KIF4A: variants seen among roughly 807,000 people sequenced by gnomAD.
The protein encoded by KIF4A is chromosome-associated kinesin KIF4A.
In KIF4A, 7 loss-of-function variants were observed where a neutral mutation model predicts 105.9. The ratio of observed to expected loss-of-function variants is 0.07; its 90% confidence interval spans 0.04 to 0.12. KIF4A has a LOEUF of 0.12. Among genes scored for constraint, KIF4A ranks in the 10% least tolerant of loss-of-function variants. KIF4A has a pLI of 1.00. For synonymous variants in KIF4A, 281 were observed against 331.3 expected (o/e 0.85, Z 1.65); for missense variants, 558 against 929.2 (o/e 0.60, Z 5.19).
chrX:70,383,102 G>A (rs184972441), intron 18 of KIF4A, among the ~76,000 whole-genome samples: 77 of 108,333 alleles, frequency 7.1e-4, no homozygotes, highest in Middle Eastern at 4.8e-3. Context: ...TAGAAGAATC[G>A]CTTGAATCCG....
At chrX:70,316,520 A>T (rs867447315) in intron 7 of KIF4A, among the ~76,000 whole-genome samples, 1 of 90,827 alleles carries the variant, frequency 1.1e-5, no homozygotes, top group Non-Finnish European at 2.0e-5. Flanking sequence ...ATTACACATA[A>T]ATATATATTA....
intron 15 of KIF4A, among the ~76,000 whole-genome samples, chrX:70,365,987 G>A (rs184965544): frequency 1.8e-3 from 201 of 110,692 alleles, no homozygotes; most frequent in Middle Eastern, 0.014. Context: ...TGTATGTGTC[G>A]AGGAGTTTAT....
At position 70,368,546 on chromosome X, in the gene KIF4A, G is replaced by A. The variant is rs192184072; in HGVS notation, c.1675-5605G>A. Among the ~76,000 whole-genome samples, 17 of 112,094 alleles carry A rather than the reference G, an allele frequency of 1.5e-4. No individual in the cohort carries two copies. The East Asian group carries it at 1.7e-3, about 11-fold the overall frequency. ...CCCTGTTTGCCTGGGTATCAGCAGC[G>A]GAGGCTGCAGATCAGGGGATATTGG... On this transcript the variant is annotated intron_variant, in intron 15 of 30. Transcript: ENST00000374403.
chrX:70,323,960 T>G (rs2085901444), intron 7 of KIF4A, among the ~76,000 whole-genome samples: 1 of 109,900 alleles, frequency 9.1e-6, no homozygotes, highest in Non-Finnish European at 1.9e-5. Flanking sequence ...CCCAAGTAGC[T>G]GGGACTTCAG....
At chrX:70,347,505 AGG>A (rs1320588974) in intron 13 of KIF4A, among the ~76,000 whole-genome samples, 1 of 111,691 alleles carries the variant, frequency 9.0e-6, no homozygotes, top group Non-Finnish European at 1.9e-5. Flanking sequence ...ATCTTCTTCA[AGG>A]ATTAACCCAT....
chrX:70,359,334 A>T (rs1029954891), intron 15 of KIF4A, among the ~76,000 whole-genome samples: 2 of 111,123 alleles, frequency 1.8e-5, no homozygotes, highest in African/African-American at 6.6e-5. Context: ...CAGGATAAAC[A>T]AAGGATTACT....
chrX:70,303,072 G>A (rs147188798), intron 7 of KIF4A, among the ~76,000 whole-genome samples: 1 of 111,615 alleles, frequency 9.0e-6, no homozygotes, highest in African/African-American at 3.2e-5. Context: ...AAGAAATAAG[G>A]GATTTTAGCC....
intron 18 of KIF4A, among the ~76,000 whole-genome samples, chrX:70,377,657 C>A (rs377220517): frequency 1.8e-5 from 2 of 112,426 alleles, no homozygotes; most frequent in East Asian, 2.8e-4. Context: ...TGAAACAGGC[C>A]ATGCATGGTG....
chrX:70,389,431 G>A (rs753319423), intron 20 of KIF4A, among the ~76,000 whole-genome samples: 9 of 111,893 alleles, frequency 8.0e-5, no homozygotes, highest in African/African-American at 2.0e-4. Flanking sequence ...AGTTGTGCAC[G>A]GTGGTGTGCG....
At chrX:70,354,616 G>C (rs1371831934) in intron 15 of KIF4A, among the ~76,000 whole-genome samples, 1 of 112,528 alleles carries the variant, frequency 8.9e-6, no homozygotes, top group African/African-American at 3.2e-5. Context: ...GAGAGCTTTT[G>C]GATTGGACTG....
chrX:70,371,147 G>A (rs2086130360), intron 15 of KIF4A, among the ~76,000 whole-genome samples: 1 of 109,657 alleles, frequency 9.1e-6, no homozygotes, highest in East Asian at 2.9e-4. Context: ...TACTCATCCA[G>A]TCAGTTTTCG....
At chrX:70,387,137 T>G in intron 19 of KIF4A, 47 bp from the exon 20 acceptor site, 1 of 888,196 alleles carries the variant, frequency 1.1e-6, no homozygotes, top group Non-Finnish European at 1.6e-6. Flanking sequence ...ATTGGATTTT[T>G]TTTTTTTACC....
chrX:70,366,938 A>G, intron 15 of KIF4A, among the ~76,000 whole-genome samples: 1 of 111,881 alleles, frequency 8.9e-6, no homozygotes, highest in East Asian at 2.8e-4. Context: ...GTGCTCCTGT[A>G]TTGGGTGCAT....
At chrX:70,334,792 G>C (rs937052823) in intron 10 of KIF4A, among the ~76,000 whole-genome samples, 1 of 111,821 alleles carries the variant, frequency 8.9e-6, no homozygotes, top group Non-Finnish European at 1.9e-5. Context: ...ACTCAGAGCA[G>C]AGAAATGCAA....
At chrX:70,407,794 G>A (rs745693801) in intron 28 of KIF4A, among the ~76,000 whole-genome samples, 16 of 112,221 alleles carry the variant, frequency 1.4e-4, no homozygotes, top group South Asian at 3.7e-4. Context: ...AGGGCCAGGC[G>A]CAGTGGCTCA....
At chrX:70,381,333 C>T (rs1019154522) in intron 18 of KIF4A, among the ~76,000 whole-genome samples, 8 of 111,282 alleles carry the variant, frequency 7.2e-5, no homozygotes, top group Admixed American at 6.7e-4. Context: ...GTAAGGAGCT[C>T]GAGACCAGCC....
chrX:70,319,817 G>A (rs759606150), intron 7 of KIF4A, among the ~76,000 whole-genome samples: 1 of 111,914 alleles, frequency 8.9e-6, no homozygotes, highest in Non-Finnish European at 1.9e-5. Flanking sequence ...TTTTTTGTGT[G>A]TGGAAAATAA....
chrX:70,348,660 G>A lies in KIF4A; in HGVS notation c.1432-3940G>A, dbSNP rs752081813. 6.1e-3 allele frequency among the ~76,000 whole-genome samples: 674 copies of A among 111,158 alleles called. 4 individuals are homozygous for A. Among genetic ancestry groups the A allele is most frequent in the Non-Finnish European group, 0.01 (534 of 52,886 alleles). On this transcript the variant is annotated intron_variant, in intron 13 of 30. Transcript: ENST00000374403. ...ACACAGCACATGTTTCAGAGAGCAC[G>A]GGGTTGGGGGTAAGGTTATAGATTA...
chrX:70,395,223 G>A (rs1050207864), intron 20 of KIF4A, among the ~76,000 whole-genome samples: 3 of 112,243 alleles, frequency 2.7e-5, no homozygotes, highest in Non-Finnish European at 5.6e-5. Flanking sequence ...TCCAGCCTGG[G>A]CGACAGAGCG....
Sources: allele counts gnomAD v4.1 joint callset (sites outside exome capture counted in the v4.1 genomes callset), GRCh38; gene constraint gnomAD v4.1.1; transcripts MANE v1.5; gene names NCBI Gene and HGNC (gene_info 2026-07-23, HGNC 2026-07-21).